Variants in PXK observed in about 807,000 individuals in gnomAD.
PXK encodes PX domain-containing protein kinase-like protein.
PXK carries 35 observed loss-of-function variants against 84.7 expected under a neutral mutation model. That is an observed-to-expected ratio of 0.41 (90% CI 0.32 to 0.55). The LOEUF (loss-of-function observed/expected upper bound fraction) is 0.55. PXK is among the 20% of genes least tolerant of loss of function. The pLI is 0.21. For synonymous variants in PXK, 253 were observed against 260.8 expected (o/e 0.97, Z 0.29); for missense variants, 634 against 699.7 (o/e 0.91, Z 1.06).
At position 58,350,260 on chromosome 3, in the gene PXK, C is replaced by A. The variant is rs577922609; in HGVS notation, c.103-15614C>A. Among the ~76,000 whole-genome samples, 242 of 152,268 alleles carry A rather than the reference C, an allele frequency of 1.6e-3. 1 individual carries two copies. Among genetic ancestry groups the A allele is most frequent in the Middle Eastern group, 6.8e-3 (2 of 294 alleles). On this transcript the variant is annotated intron_variant, in intron 1 of 17. Transcript: ENST00000356151. ...ATAGTTTCTTACTTGTACATAACTT[C>A]TAGGTGGTGCTCACATTACATTCAG... is the stretch of plus-strand genomic sequence containing the variant.
At chr3:58,338,009 T>C (rs2097653920) in intron 1 of PXK, among the ~76,000 whole-genome samples, 1 of 152,202 alleles carries the variant, frequency 6.6e-6, no homozygotes, top group African/African-American at 2.4e-5. Context: ...GAATGCTACT[T>C]GGAAGTTTCT....
chr3:58,420,193 CTTCATGGCTTTTCTGA>C (rs1467182771), intron 17 of PXK, among the ~76,000 whole-genome samples: 2 of 152,210 alleles, frequency 1.3e-5, no homozygotes, highest in African/African-American at 4.8e-5. Context: ...GAGGTAAAAC[CTTCATGGCTTTTCTGA>C]AGTGAGCGTC....
In PXK at chr3:58,399,317, C is replaced by T. The variant is rs375086738; in HGVS notation, c.1121C>T (p.Thr374Met). The change falls in exon 12 of 18, where the codon ACG becomes ATG. Residue 374 changes from threonine to methionine, a missense_variant. Physicochemically the swap from Thr to Met is moderately conservative, Grantham distance 81 (BLOSUM62 -1). Around this residue, in one of 3 missense-constraint regions of PXK, gnomAD observed 273 missense variants for 283.6 expected, o/e 0.96. Transcript: ENST00000356151. The surrounding 1 kb of genome is among the most constrained non-coding windows in gnomAD (Gnocchi z 4.3). Reference sequence around the variant, plus strand: ...TTTCAAGTGGCCGTGTTGGAGTCTACGCTGTCTTGTGAAGCCTGTAAAAAT... The same window carrying T: ...TTTCAAGTGGCCGTGTTGGAGTCTATGCTGTCTTGTGAAGCCTGTAAAAAT... ...SMAVVAVLES[T>M]LSCEACKNGM... is the part of the protein sequence containing the mutation. 5 of 1,614,118 alleles carry T rather than the reference C, an allele frequency of 3.1e-6. No homozygotes were observed. Among genetic ancestry groups the T allele is most frequent in the Non-Finnish European group, 4.2e-6 (5 of 1,179,974 alleles).
chr3:58,374,706 T>C (rs145666367), intron 3 of PXK, among the ~76,000 whole-genome samples: 3 of 152,328 alleles, frequency 2.0e-5, no homozygotes, highest in Non-Finnish European at 4.4e-5. Flanking sequence ...GTAGTATTTT[T>C]TTCCCTCCCT....
In PXK at chr3:58,424,956, G is replaced by T. The variant is rs765552586; in HGVS notation, c.1733G>T (p.Gly578Val). The change falls in exon 18 of 18, where the codon GGC becomes GTC. Residue 578 changes from glycine (G) to valine (V), a missense_variant. Gly to Val is a moderately radical substitution (Grantham distance 109, BLOSUM62 -3). This residue lies in a region of PXK where 273 missense variants were observed against 283.6 expected (regional missense o/e 0.96). Coordinates refer to ENST00000356151, the MANE Select transcript of PXK (RefSeq NM_017771.5). ...KTCDHSAPKI[G>V] ...TGTGATCACAGTGCTCCGAAGATCGGCTGAAGCTTCCTGTTTACACTTGGA... is the reference window on the plus strand; with the variant it reads ...TGTGATCACAGTGCTCCGAAGATCGTCTGAAGCTTCCTGTTTACACTTGGA... The T allele has an allele frequency of 6.2e-7, 1 of 1,613,908 alleles. No individual in the cohort carries two copies. Among genetic ancestry groups the T allele is most frequent in the Non-Finnish European group, 8.5e-7 (1 of 1,180,042 alleles).
At chr3:58,420,707 T>C in intron 17 of PXK, 1 of 1,473,842 alleles carries the variant, frequency 6.8e-7, no homozygotes, top group Non-Finnish European at 9.0e-7. Context: ...ATCTGAATAT[T>C]TAAATGAAAT....
Position 58,395,098 on chromosome 3 carries a change from A to G in PXK, c.716A>G (p.Tyr239Cys). ...NEKGTLKDLI[Y>C]KAKPKDPFLK... is the part of the protein sequence containing the mutation. The stretch of plus-strand genomic sequence containing the variant: ...AAGGGAACATTGAAGGATCTGATCT[A>G]CAAGGTACCTGTGCAAGTTCATGGT... Residue 239 changes from tyrosine (Y) to cysteine (C), a missense_variant, in exon 8 of 18, where the codon TAC becomes TGC. Physicochemically the swap from Tyr to Cys is radical, Grantham distance 194 (BLOSUM62 -2). This residue lies in a region of PXK where 353 missense variants were observed against 385.2 expected (regional missense o/e 0.92). Coordinates refer to ENST00000356151, the MANE Select transcript of PXK (RefSeq NM_017771.5). 1 of 1,603,312 alleles carries G rather than the reference A, an allele frequency of 6.2e-7. No individual in the cohort carries two copies. Among genetic ancestry groups the G allele is most frequent in the Non-Finnish European group, 8.5e-7 (1 of 1,170,476 alleles).
At chr3:58,353,390 G>A (rs2097983395) in intron 1 of PXK, among the ~76,000 whole-genome samples, 2 of 152,220 alleles carry the variant, frequency 1.3e-5, no homozygotes, top group African/African-American at 2.4e-5. Context: ...AGGTTAATAC[G>A]GTAATGATTC....
chr3:58,375,735 C>T (rs1369989998), intron 3 of PXK, among the ~76,000 whole-genome samples: 4 of 152,010 alleles, frequency 2.6e-5, no homozygotes, highest in Non-Finnish European at 4.4e-5. Flanking sequence ...TGTGTGTGAG[C>T]GCACCCTGAC....
chr3:58,402,435 CTT>C (rs751026027), intron 12 of PXK, among the ~76,000 whole-genome samples: 6 of 142,612 alleles, frequency 4.2e-5, no homozygotes, highest in Non-Finnish European at 3.1e-5. Flanking sequence ...CTTTTCTTTT[CTT>C]TTTTTTTTTT....
rs550843957 is a variant in PXK at position 58,388,744 on chromosome 3, G to A, written c.389-1838G>A. On this transcript the variant is annotated intron_variant, in intron 4 of 17. Transcript: ENST00000356151. The stretch of plus-strand genomic sequence containing the variant: ...TATTGAGTCAGTAAACAAATAGCTA[G>A]TAAATTGTTTTCTTCCCTGATCTCT... 2.0e-5 allele frequency among the ~76,000 whole-genome samples: 3 copies of A among 152,296 alleles called. No individual in the cohort carries two copies. In the South Asian group the frequency reaches 6.2e-4, roughly 32 times the overall value.
chr3:58,377,027 A>C (rs1382325470), intron 3 of PXK, among the ~76,000 whole-genome samples: 1 of 152,196 alleles, frequency 6.6e-6, no homozygotes, highest in Admixed American at 6.5e-5. Context: ...TACTTTCTTC[A>C]TATGTATGCA....
At chr3:58,336,069 ATATTTTT>A (rs1446504361) in intron 1 of PXK, among the ~76,000 whole-genome samples, 172 of 56,582 alleles carry the variant, frequency 3.0e-3, no homozygotes, top group African/African-American at 0.019. Flanking sequence ...ATATATATAT[ATATTTTT>A]TTTTTTTTTT....
chr3:58,381,092 C>T (rs980360339), intron 3 of PXK, among the ~76,000 whole-genome samples: 12 of 151,634 alleles, frequency 7.9e-5, no homozygotes, highest in African/African-American at 2.7e-4. Context: ...ACTAAAAATA[C>T]GAAAATATTA....
In PXK at chr3:58,382,638, T is replaced by C. The variant is rs1331932348; in HGVS notation, c.326T>C (p.Leu109Ser). 1 of 1,597,042 alleles carries C rather than the reference T, an allele frequency of 6.3e-7. No homozygotes were observed. Among genetic ancestry groups the C allele is most frequent in the Non-Finnish European group, 8.5e-7 (1 of 1,174,982 alleles). ...YLNVITTNHI[L>S]SNCELVKKFL... is the part of the protein sequence containing the mutation. ...AACGTGATCACAACAAATCATATCT[T>C]GTCTAATTGTGAGCTGGTTAAGAAG... Residue 109 changes from leucine (L) to serine (S), a missense_variant, in exon 4 of 18, where the codon TTG becomes TCG. Physicochemically the swap from Leu to Ser is moderately radical, Grantham distance 145 (BLOSUM62 -2). Around this residue, in one of 3 missense-constraint regions of PXK, gnomAD observed 353 missense variants for 385.2 expected, o/e 0.92. Coordinates refer to ENST00000356151, the MANE Select transcript of PXK (RefSeq NM_017771.5).
chr3:58,342,164 T>A (rs2097746755), intron 1 of PXK, among the ~76,000 whole-genome samples: 1 of 152,174 alleles, frequency 6.6e-6, no homozygotes, highest in African/African-American at 2.4e-5. Context: ...ATCGGAATTG[T>A]TTCAGAAAGT....
At chr3:58,344,743 G>A (rs867460165) in intron 1 of PXK, among the ~76,000 whole-genome samples, 2 of 152,186 alleles carry the variant, frequency 1.3e-5, no homozygotes, top group Non-Finnish European at 2.9e-5. Flanking sequence ...CAGGAGAATC[G>A]CTTGAACCTT....
In PXK at chr3:58,349,594, G is replaced by A. The variant is rs538882099; in HGVS notation, c.103-16280G>A. Among the ~76,000 whole-genome samples, 96 of 152,090 alleles carry A rather than the reference G, an allele frequency of 6.3e-4. 2 individuals carry two copies. The South Asian group carries it at 0.019, about 31-fold the overall frequency. On this transcript the variant is annotated intron_variant, in intron 1 of 17. Transcript: ENST00000356151. ...TGGTCTTGAACTGCTGACCTCAAAT[G>A]ATCTACCCTCCTCGGCTTCCCAAAG...
intron 1 of PXK, among the ~76,000 whole-genome samples, chr3:58,365,053 C>T (rs1304755008): frequency 1.3e-5 from 2 of 151,294 alleles, no homozygotes; most frequent in African/African-American, 2.4e-5. Flanking sequence ...CTTCTGCTTG[C>T]TTTGAGTGTA....
Sources: allele counts gnomAD v4.1 joint callset (sites outside exome capture counted in the v4.1 genomes callset), GRCh38; gene constraint gnomAD v4.1.1; regional missense constraint gnomAD v4.1.1; non-coding constraint Gnocchi (gnomAD v3.1); transcripts MANE v1.5; gene names NCBI Gene and HGNC (gene_info 2026-07-23, HGNC 2026-07-21).